ING3: variants seen among roughly 807,000 people sequenced by gnomAD.
ING3 encodes the protein inhibitor of growth family member 3.
A neutral mutation model predicts 64.8 loss-of-function variants in ING3; 6 were observed. The observed-to-expected ratio is 0.09, with a 90% CI of 0.05 to 0.18. The LOEUF (loss-of-function observed/expected upper bound fraction) is 0.18. Among genes scored for constraint, ING3 ranks in the 10% least tolerant of loss-of-function variants. ING3 has a pLI of 1.00. For synonymous variants in ING3, 170 were observed against 173.7 expected (o/e 0.98, Z 0.17); for missense variants, 310 against 489.7 (o/e 0.63, Z 3.46).
At chr7:120,962,650 A>G (rs1458585766) in intron 4 of ING3, among the ~76,000 whole-genome samples, 1 of 152,030 alleles carries the variant, frequency 6.6e-6, no homozygotes, top group African/African-American at 2.4e-5. Flanking sequence ...CTTTATATAC[A>G]TATTACACGC....
rs1339897629 is a variant in ING3, at chr7:120,974,875, A to T, written c.*31A>T. 8 of 1,455,630 alleles carry T rather than the reference A, an allele frequency of 5.5e-6. No homozygotes were observed. The highest frequency in any genetic ancestry group is 3.6e-5 in the Admixed American group (2 of 54,864). The allele number at this position is 1,455,630 out of a possible 1,614,324, so 90.2% of individuals were successfully genotyped here. A position where few individuals can be genotyped will look rare whatever the true frequency, so the allele number is the denominator to read the frequency against. On this transcript the variant is annotated 3_prime_UTR_variant, in exon 12 of 12. Coordinates refer to ENST00000315870, the MANE Select transcript of ING3 (RefSeq NM_019071.3). ...GTCCTTTTGTTTGATGAAGAAATAA[A>T]CTTCAGCTGAAGATTTTATATAGGA...
At chr7:120,966,435 A>C (rs888962905) in intron 5 of ING3, among the ~76,000 whole-genome samples, 191 bp from the exon 6 acceptor site, 3 of 152,190 alleles carry the variant, frequency 2.0e-5, no homozygotes, top group African/African-American at 7.2e-5. Context: ...TTGTTTAGAG[A>C]GAGGATAACT....
chr7:120,954,791 A>C (rs1795821554), intron 3 of ING3, among the ~76,000 whole-genome samples: 1 of 152,228 alleles, frequency 6.6e-6, no homozygotes, highest in Non-Finnish European at 1.5e-5. Context: ...TCTAAAATAC[A>C]GATTGAGTTG....
At chr7:120,968,801 G>A (rs1366177451) in intron 8 of ING3, among the ~76,000 whole-genome samples, 1 of 141,682 alleles carries the variant, frequency 7.1e-6, no homozygotes, top group Non-Finnish European at 1.5e-5. Flanking sequence ...AGCCAAAATC[G>A]TGCCACTAGA....
intron 4 of ING3, among the ~76,000 whole-genome samples, chr7:120,963,277 C>A (rs1795956594): frequency 6.6e-6 from 1 of 151,980 alleles, no homozygotes; most frequent in Non-Finnish European, 1.5e-5. Flanking sequence ...TATTCTAGAA[C>A]TCTGAAAAGT....
intron 5 of ING3, 98 bp from the exon 6 acceptor site, chr7:120,966,528 C>T: frequency 2.2e-6 from 2 of 908,462 alleles, no homozygotes; most frequent in Non-Finnish European, 3.7e-6. Context: ...TGCTAGTCCT[C>T]TGCTGGGTAA....
chr7:120,970,261 C>T (rs938093254), intron 9 of ING3, among the ~76,000 whole-genome samples: 6 of 151,968 alleles, frequency 3.9e-5, no homozygotes, highest in South Asian at 2.1e-4. Context: ...GTCAGGAGAT[C>T]GAGACCATCC....
intron 4 of ING3, among the ~76,000 whole-genome samples, chr7:120,961,511 T>A (rs1389747045): frequency 1.3e-5 from 2 of 152,172 alleles, no homozygotes; most frequent in Non-Finnish European, 2.9e-5. Context: ...TGTATTTAGT[T>A]TTGTTTGGGT....
chr7:120,968,133 C>T (rs776381044), intron 8 of ING3, 42 bp downstream of exon 8: 25 of 1,561,146 alleles, frequency 1.6e-5, no homozygotes, highest in South Asian at 2.4e-5. Flanking sequence ...TACATTTTGT[C>T]GGAATCATTG....
chr7:120,951,856 C>CT (rs1400553213), intron 2 of ING3, among the ~76,000 whole-genome samples: 1 of 152,130 alleles, frequency 6.6e-6, no homozygotes, highest in Non-Finnish European at 1.5e-5. Context: ...ATTTCTTTTT[C>CT]TTTCAGTGAT....
rs947159481 is a variant in ING3 at position 120,955,492 on chromosome 7, G to T, written c.202-67G>T. On this transcript the variant is annotated intron_variant, in intron 3 of 11. Transcript: ENST00000315870. ...AAGATATGATAATGAAAATGCAGTTGTATGTCCTGCATATGAATATTTTAA... is the reference window on the plus strand; with the variant it reads ...AAGATATGATAATGAAAATGCAGTTTTATGTCCTGCATATGAATATTTTAA... 1.5e-5 allele frequency: 16 copies of T among 1,034,372 alleles called. No homozygotes were observed. The South Asian group carries it at 2.0e-4, about 13-fold the overall frequency. 64.1% of individuals were successfully genotyped at this position (1,034,372 alleles called of 1,614,324 possible).
intron 7 of ING3, 28 bp downstream of exon 7, chr7:120,967,676 C>A: frequency 1.3e-6 from 2 of 1,570,548 alleles, no homozygotes; most frequent in South Asian, 1.2e-5. Flanking sequence ...AATATGATTG[C>A]TTTGTTTGTT....
chr7:120,964,595 A>G, intron 4 of ING3, 147 bp from the exon 5 acceptor site: 1 of 598,542 alleles, frequency 1.7e-6, no homozygotes, highest in Non-Finnish European at 3.0e-6. Context: ...TTATAGATTA[A>G]AAACCTCTGA....
chr7:120,966,785 A>G, intron 6 of ING3, 88 bp downstream of exon 6: 1 of 923,942 alleles, frequency 1.1e-6, no homozygotes, highest in Non-Finnish European at 1.8e-6. Context: ...ACTCTACACA[A>G]CCAATTGAGA....
In ING3 at chr7:120,968,100, T is replaced by C. The variant is rs769218668; in HGVS notation, c.714+9T>C. ...TTCAGGCTACAGCTCAGGTAAAAAGTAAAGGGTTTAGAGACAAAATGTTAC... is the reference window on the plus strand; with the variant it reads ...TTCAGGCTACAGCTCAGGTAAAAAGCAAAGGGTTTAGAGACAAAATGTTAC... On this transcript the variant is annotated intron_variant, in intron 8 of 11. Transcript: ENST00000315870. 1 of 1,612,026 alleles carries C rather than the reference T, an allele frequency of 6.2e-7. No homozygotes were observed. The highest frequency in any genetic ancestry group is 2.2e-5 in the East Asian group (1 of 44,854).
intron 4 of ING3, among the ~76,000 whole-genome samples, chr7:120,962,797 AGT>A (rs1404302441): frequency 6.6e-6 from 1 of 151,968 alleles, no homozygotes; most frequent in African/African-American, 2.4e-5. Flanking sequence ...CGTGTCTACC[AGT>A]GTTACTTTTT....
rs1796116669 is a variant in ING3 at position 120,974,973 on chromosome 7, A to G, written c.*129A>G. The G allele has an allele frequency of 1.8e-6, 1 of 543,664 alleles. No individual in the cohort carries two copies. Among genetic ancestry groups the G allele is most frequent in the Non-Finnish European group, 3.2e-6 (1 of 311,540 alleles). The allele number at this position is 543,664 out of a possible 1,614,324, so 33.7% of individuals were successfully genotyped here. A position where few individuals can be genotyped will look rare whatever the true frequency, so the allele number is the denominator to read the frequency against. On this transcript the variant is annotated 3_prime_UTR_variant, in exon 12 of 12. Transcript: ENST00000315870. ...ACCACTTAAAGGATTTACATAGACA[A>G]TCCTATAAGATCTTGAACTTGAATT...
chr7:120,950,812 T>C lies in ING3; in HGVS notation c.-85T>C. The C allele has an allele frequency of 4.9e-6, 5 of 1,017,838 alleles. No homozygotes were observed. The highest frequency in any genetic ancestry group is 1.3e-5 in the South Asian group (1 of 75,466). The allele number at this position is 1,017,838 out of a possible 1,614,324, so 63.1% of individuals were successfully genotyped here. On this transcript the variant is annotated 5_prime_UTR_variant, in exon 1 of 12. Transcript: ENST00000315870. ...GCGGGTGCTGCTAGCGGAGGCGCCA[T>C]ATTGGAGGGGACAAAACTCCGGCGA... is the stretch of plus-strand genomic sequence containing the variant.
In ING3 at chr7:120,950,879, T is replaced by C. The variant is rs1288586003; in HGVS notation, c.-18T>C. 1 of 1,602,590 alleles carries C rather than the reference T, an allele frequency of 6.2e-7. No individual in the cohort carries two copies. Among genetic ancestry groups the C allele is most frequent in the African/African-American group, 1.4e-5 (1 of 73,750 alleles). The stretch of plus-strand genomic sequence containing the variant: ...TAAACCCCTGGACCCCCTTGTTCCC[T>C]CAGCTCTAAGGGCCGCGATGTTGTA... On this transcript the variant is annotated 5_prime_UTR_variant, in exon 1 of 12. Transcript: ENST00000315870.
Sources: gnomAD v4.1 joint callset for allele counts (sites outside exome capture counted in the v4.1 genomes callset) on GRCh38, gnomAD v4.1.1 for gene constraint, MANE v1.5 for transcripts, NCBI Gene and HGNC (gene_info 2026-07-23, HGNC 2026-07-21) for gene names.